The following WDFY3 variants were observed in gnomAD, a reference collection of about 807,000 sequenced individuals.
WDFY3 encodes WD repeat and FYVE domain containing 3.
Under a neutral mutation model 409.6 loss-of-function variants are expected in WDFY3, and 66 were observed. The observed-to-expected ratio is 0.16, with a 90% CI of 0.13 to 0.20. The LOEUF (loss-of-function observed/expected upper bound fraction) is 0.20, where lower values mean the gene tolerates loss of function less well. Among genes scored for constraint, WDFY3 ranks in the 10% least tolerant of loss-of-function variants. The probability of loss-of-function intolerance (pLI) is 1.00; values close to 1 mark genes in which losing one functional copy is unlikely to be tolerated. For synonymous variants in WDFY3, 1,521 were observed against 1,537.1 expected (o/e 0.99, Z 0.25); for missense variants, 3,031 against 4,298.1 (o/e 0.71, Z 8.24).
intron 33 of WDFY3, among the ~76,000 whole-genome samples, chr4:84,756,194 C>T (rs112853087): frequency 5.3e-5 from 8 of 152,052 alleles, no homozygotes; most frequent in South Asian, 4.1e-4. Flanking sequence ...TTTCCTAATC[C>T]GAATTTGCAC....
intron 42 of WDFY3, among the ~76,000 whole-genome samples, chr4:84,735,604 C>T (rs1292277487): frequency 6.6e-6 from 1 of 152,160 alleles, no homozygotes; most frequent in Non-Finnish European, 1.5e-5. Flanking sequence ...CCCAAGGGCA[C>T]CCCCTAATAT....
intron 51 of WDFY3, 59 bp from the exon 52 acceptor site, chr4:84,709,406 T>C (rs1195544692): frequency 2.7e-6 from 4 of 1,507,092 alleles, no homozygotes; most frequent in South Asian, 2.5e-5. Flanking sequence ...TCTGAAAAAT[T>C]ATAAAGTTGA....
chr4:84,875,482 A>C (rs1229464605), intron 3 of WDFY3, among the ~76,000 whole-genome samples: 1 of 152,166 alleles, frequency 6.6e-6, no homozygotes, highest in Non-Finnish European at 1.5e-5. Context: ...AACACTGTAC[A>C]CTGAGGTTAC....
chr4:84,872,111 T>A (rs1762206909), intron 3 of WDFY3, among the ~76,000 whole-genome samples: 1 of 152,002 alleles, frequency 6.6e-6, no homozygotes, highest in Admixed American at 6.6e-5. Context: ...TGATACAAAG[T>A]GTCATATGAA....
chr4:84,837,132 C>G (rs1472532992), intron 6 of WDFY3, 42 bp from the exon 7 acceptor site: 1 of 1,401,404 alleles, frequency 7.1e-7, no homozygotes, highest in African/African-American at 1.5e-5. Context: ...ATAGACACAA[C>G]TATAATTGGT....
intron 13 of WDFY3, among the ~76,000 whole-genome samples, chr4:84,810,909 C>T (rs1167080221): frequency 1.5e-5 from 2 of 129,134 alleles, no homozygotes; most frequent in African/African-American, 2.8e-5. Flanking sequence ...TTTCCCAAAA[C>T]AGCTGTAAGC....
intron 35 of WDFY3, 39 bp from the exon 36 acceptor site, chr4:84,751,755 G>C (rs750596313): frequency 3.1e-6 from 5 of 1,600,746 alleles, no homozygotes; most frequent in Non-Finnish European, 3.4e-6. Context: ...AATCACATTA[G>C]ACTCTGACAT....
chr4:84,737,065 G>T, intron 41 of WDFY3, 119 bp downstream of exon 41: 14 of 987,892 alleles, frequency 1.4e-5, no homozygotes, highest in Admixed American at 2.9e-5. Flanking sequence ...TTGTTATATT[G>T]ATTTTAAGGA....
At chr4:84,771,883 C>T (rs1446851545) in intron 30 of WDFY3, among the ~76,000 whole-genome samples, 4 of 152,298 alleles carry the variant, frequency 2.6e-5, no homozygotes, top group East Asian at 1.9e-4. Context: ...GGTCCTGAAC[C>T]TGTCACTAAC....
intron 46 of WDFY3, among the ~76,000 whole-genome samples, chr4:84,722,320 C>A (rs537195275): frequency 6.6e-6 from 1 of 151,968 alleles, no homozygotes; most frequent in Non-Finnish European, 1.5e-5. Flanking sequence ...CTGGGAGGCA[C>A]AGGTTGCAGT....
At chr4:84,884,377 C>T (rs1298067598) in intron 3 of WDFY3, among the ~76,000 whole-genome samples, 1 of 151,844 alleles carries the variant, frequency 6.6e-6, no homozygotes, top group African/African-American at 2.4e-5. Context: ...ATTTAATATA[C>T]ACTTAGAGTA....
At chr4:84,759,377 C>T (rs1283657622) in intron 32 of WDFY3, among the ~76,000 whole-genome samples, 7 of 152,114 alleles carry the variant, frequency 4.6e-5, no homozygotes, top group South Asian at 4.1e-4. Flanking sequence ...GGCATTGAAT[C>T]GATAAATTAC....
At chr4:84,954,378 G>C (rs1188771195) in intron 1 of WDFY3, among the ~76,000 whole-genome samples, 1 of 151,880 alleles carries the variant, frequency 6.6e-6, no homozygotes, top group Non-Finnish European at 1.5e-5. Flanking sequence ...CTCAACTATG[G>C]CATTTATCAT....
At chr4:84,862,202 A>G (rs1418663536) in intron 3 of WDFY3, among the ~76,000 whole-genome samples, 1 of 152,332 alleles carries the variant, frequency 6.6e-6, no homozygotes, top group Middle Eastern at 3.4e-3. Context: ...TGTAGCTAAC[A>G]GGAGGACACG....
At chr4:84,840,208 A>C (rs947804604) in intron 6 of WDFY3, among the ~76,000 whole-genome samples, 10 of 152,178 alleles carry the variant, frequency 6.6e-5, no homozygotes, top group African/African-American at 1.9e-4. Flanking sequence ...AAAGGCCAAA[A>C]ATCAGGTATC....
intron 3 of WDFY3, among the ~76,000 whole-genome samples, chr4:84,863,942 A>T (rs970673329): frequency 3.3e-5 from 5 of 152,104 alleles, no homozygotes; most frequent in African/African-American, 4.8e-5. Flanking sequence ...AGATTACTGT[A>T]GCTTTGTAAT....
intron 34 of WDFY3, among the ~76,000 whole-genome samples, chr4:84,754,572 C>T (rs1473317886): frequency 1.3e-5 from 2 of 152,148 alleles, no homozygotes; most frequent in African/African-American, 4.8e-5. Flanking sequence ...TTTCCTGTTA[C>T]AACACAATCC....
Position 84,966,553 on chromosome 4 carries a change from T to A in WDFY3, c.-570A>T, listed in dbSNP as rs1402950904. 6.6e-6 allele frequency among the ~76,000 whole-genome samples: 1 copy of A among 151,790 alleles called. No individual in the cohort carries two copies. The highest frequency in any genetic ancestry group is 1.5e-5 in the Non-Finnish European group (1 of 67,918). On this transcript the variant is annotated 5_prime_UTR_variant, in exon 1 of 68. The change creates a premature stop within an existing upstream ORF in the 5' untranslated region. Coordinates refer to ENST00000295888, the MANE Select transcript of WDFY3 (RefSeq NM_014991.6). The stretch of plus-strand genomic sequence containing the variant: ...CCTCAGCCTCGGCGCTCCTCGGGTT[T>A]CTTCTCTCCATCAAGGCCGGGCCGA...
chr4:84,797,814 G>A (rs1460071495), intron 18 of WDFY3, among the ~76,000 whole-genome samples, 182 bp downstream of exon 18: 2 of 151,862 alleles, frequency 1.3e-5, no homozygotes, highest in East Asian at 1.9e-4. Context: ...CTCGTGATCC[G>A]CCCGTCTCGG....
Sources: allele counts gnomAD v4.1 joint callset (sites outside exome capture counted in the v4.1 genomes callset), GRCh38; gene constraint gnomAD v4.1.1; transcripts MANE v1.5; gene names NCBI Gene and HGNC (gene_info 2026-07-23, HGNC 2026-07-21).